ESR1: variants seen among roughly 807,000 people sequenced by gnomAD.
The protein encoded by ESR1 is estrogen receptor.
Under a neutral mutation model 52.7 loss-of-function variants are expected in ESR1, and 12 were observed. The ratio of observed to expected loss-of-function variants is 0.23; its 90% CI spans 0.15 to 0.37. The LOEUF is 0.37. Among genes scored for constraint, ESR1 ranks in the 10% least tolerant of loss-of-function variants. ESR1 has a pLI of 1.00. For missense variants in ESR1, 584 were observed against 779.7 expected, an observed-to-expected ratio of 0.75 and a Z score of 2.99; for synonymous variants, 305 against 316.8, an observed-to-expected ratio of 0.96 and a Z score of 0.39.
chr6:151,692,757 C>T (rs1055679816), intron 1 of ESR1, among the ~76,000 whole-genome samples: 2 of 152,198 alleles, frequency 1.3e-5, no homozygotes, highest in African/African-American at 4.8e-5. Context: ...GAATCATTCC[C>T]ACTGGACCCA....
At chr6:151,918,475 G>A (rs900361029) in intron 3 of ESR1, among the ~76,000 whole-genome samples, 2 of 152,222 alleles carry the variant, frequency 1.3e-5, no homozygotes, top group South Asian at 2.1e-4. Flanking sequence ...GGACTATAGT[G>A]TTATGAGAAC....
intron 3 of ESR1, among the ~76,000 whole-genome samples, chr6:151,942,628 T>G (rs1291203485): frequency 6.6e-6 from 1 of 151,050 alleles, no homozygotes; most frequent in Admixed American, 6.6e-5. Flanking sequence ...AAGTGTCATT[T>G]AATATATTAT....
chr6:152,054,184 T>G (rs2046918437), intron 5 of ESR1, among the ~76,000 whole-genome samples: 1 of 152,158 alleles, frequency 6.6e-6, no homozygotes, highest in Admixed American at 6.5e-5. Context: ...TCGTGAAATT[T>G]TAAACTAATC....
At chr6:152,032,167 A>G (rs573321225) in intron 5 of ESR1, among the ~76,000 whole-genome samples, 2 of 152,296 alleles carry the variant, frequency 1.3e-5, no homozygotes, top group African/African-American at 2.4e-5. Context: ...ATCTATGACA[A>G]ACCCACAGCC....
intron 2 of ESR1, among the ~76,000 whole-genome samples, chr6:151,861,175 G>T (rs1341165226): frequency 6.6e-6 from 1 of 152,106 alleles, no homozygotes; most frequent in Non-Finnish European, 1.5e-5. Flanking sequence ...GGGTAAGTCT[G>T]CATTTTCCAT....
At chr6:151,954,691 A>G (rs1456946474) in intron 4 of ESR1, among the ~76,000 whole-genome samples, 1 of 152,228 alleles carries the variant, frequency 6.6e-6, no homozygotes, top group Non-Finnish European at 1.5e-5. Context: ...AACTAGGTAG[A>G]TGAATGGTTT....
chr6:152,003,171 A>G (rs1335017849), intron 4 of ESR1, among the ~76,000 whole-genome samples: 2 of 151,912 alleles, frequency 1.3e-5, no homozygotes, highest in Non-Finnish European at 2.9e-5. Flanking sequence ...TCTAAGGGAC[A>G]TTATTTTTTT....
At chr6:152,031,875 G>A (rs908186480) in intron 5 of ESR1, among the ~76,000 whole-genome samples, 2 of 152,252 alleles carry the variant, frequency 1.3e-5, no homozygotes, top group Middle Eastern at 3.4e-3. Context: ...GATGAACATC[G>A]ATGCAAAAAT....
intron 2 of ESR1, among the ~76,000 whole-genome samples, chr6:151,755,613 C>G (rs1243035870): frequency 6.6e-6 from 1 of 151,796 alleles, no homozygotes; most frequent in Non-Finnish European, 1.5e-5. Flanking sequence ...CAGGTTACCT[C>G]ATGACTCTTT....
chr6:151,843,147 G>A (rs955208236), intron 2 of ESR1, among the ~76,000 whole-genome samples: 2 of 152,184 alleles, frequency 1.3e-5, no homozygotes, highest in African/African-American at 4.8e-5. Flanking sequence ...AGGCAACTTT[G>A]CCTATATGAT....
intron 1 of ESR1, among the ~76,000 whole-genome samples, chr6:151,830,013 G>T (rs1021354697): frequency 5.3e-5 from 8 of 152,136 alleles, no homozygotes; most frequent in African/African-American, 1.9e-4. Flanking sequence ...TGTGTGTGTG[G>T]AATTTTATGT....
intron 1 of ESR1, among the ~76,000 whole-genome samples, chr6:151,828,327 A>G (rs557475211): frequency 6.6e-6 from 1 of 152,366 alleles, no homozygotes; most frequent in South Asian, 2.1e-4. Context: ...TCTAACAAGT[A>G]TAAAACCTGT....
chr6:151,754,551 G>A (rs562501407), intron 2 of ESR1, among the ~76,000 whole-genome samples: 12 of 152,242 alleles, frequency 7.9e-5, no homozygotes, highest in Admixed American at 1.3e-4. Flanking sequence ...TGCTAAATCC[G>A]ATGTCACTTT....
intron 6 of ESR1, among the ~76,000 whole-genome samples, chr6:152,086,358 A>G (rs1266540439): frequency 6.6e-6 from 1 of 150,592 alleles, no homozygotes; most frequent in African/African-American, 2.4e-5. Context: ...CAAAGGCTAT[A>G]TTTATTACAA....
intron 1 of ESR1, among the ~76,000 whole-genome samples, chr6:151,690,847 G>A (rs1437969630): frequency 6.6e-6 from 1 of 152,162 alleles, no homozygotes; most frequent in African/African-American, 2.4e-5. Context: ...GATAAAATGT[G>A]AAATCTAAAC....
chr6:151,783,612 A>T (rs1353923649), intron 2 of ESR1, among the ~76,000 whole-genome samples: 1 of 152,224 alleles, frequency 6.6e-6, no homozygotes, highest in African/African-American at 2.4e-5. Context: ...TAGATTTTAG[A>T]TTTAAATTGG....
intron 6 of ESR1, among the ~76,000 whole-genome samples, chr6:152,089,452 C>T (rs1248040310): frequency 6.6e-6 from 1 of 152,176 alleles, no homozygotes; most frequent in Admixed American, 6.5e-5. Context: ...ATTCAATTGC[C>T]AAATTGCATA....
intron 2 of ESR1, among the ~76,000 whole-genome samples, chr6:151,790,921 G>T (rs1195291448): frequency 6.6e-6 from 1 of 151,960 alleles, no homozygotes; most frequent in Non-Finnish European, 1.5e-5. Flanking sequence ...TGAAATTCCT[G>T]GGCATGAAAA....
intron 2 of ESR1, among the ~76,000 whole-genome samples, chr6:151,776,133 G>T (rs560797831): frequency 7.2e-5 from 11 of 152,290 alleles, no homozygotes; most frequent in Admixed American, 2.0e-4. Context: ...GAGGAAAGAG[G>T]CTGGGTCAGA....
Sources: gnomAD v4.1 joint callset for allele counts (sites outside exome capture counted in the v4.1 genomes callset) on GRCh38, gnomAD v4.1.1 for gene constraint, MANE v1.5 for transcripts, NCBI Gene and HGNC (gene_info 2026-07-23, HGNC 2026-07-21) for gene names.